Variants in RIMS1 observed in about 807,000 individuals in gnomAD.
RIMS1 encodes regulating synaptic membrane exocytosis 1.
RIMS1 carries 83 observed loss-of-function variants against 214.1 expected under a neutral mutation model. That is an observed-to-expected ratio of 0.39 (90% CI 0.32 to 0.47). The LOEUF (loss-of-function observed/expected upper bound fraction) is 0.47. Ranked by LOEUF, RIMS1 falls within the 20% of genes least tolerant of loss-of-function variation. The probability of loss-of-function intolerance (pLI) is 0.99; values close to 1 mark genes in which losing one functional copy is unlikely to be tolerated. For missense variants in RIMS1, 2,050 were observed against 2,161.8 expected (o/e 0.95, Z 1.03); for synonymous variants, 793 against 786.8 (o/e 1.01, Z -0.13).
chr6:72,360,323 A>ATCTGT lies in RIMS1; in HGVS notation c.4366+26491_4366+26492insGTTCT, dbSNP rs368786995. Among the ~76,000 whole-genome samples, 125 of 152,354 alleles carry ATCTGT rather than the reference A, an allele frequency of 8.2e-4. 2 individuals are homozygous for ATCTGT. The highest frequency in any genetic ancestry group is 2.9e-3 in the African/African-American group (120 of 41,592). The stretch of plus-strand genomic sequence containing the variant: ...ACAAGTTTCTATTTTCATAAAATTA[A>ATCTGT]TCTATTTATCACATACCTTCTGACC... On this transcript the variant is annotated intron_variant, in intron 29 of 33. Coordinates refer to ENST00000521978, the MANE Select transcript of RIMS1 (RefSeq NM_014989.7).
chr6:72,299,181 A>G (rs1273451267), intron 26 of RIMS1, among the ~76,000 whole-genome samples: 1 of 151,960 alleles, frequency 6.6e-6, no homozygotes, highest in African/African-American at 2.4e-5. Flanking sequence ...CTTCAAGGTG[A>G]GAAAAATGTT....
chr6:72,328,918 C>G (rs1403412968), intron 28 of RIMS1, among the ~76,000 whole-genome samples: 5 of 151,756 alleles, frequency 3.3e-5, no homozygotes, highest in African/African-American at 1.2e-4. Flanking sequence ...AGATTTCACC[C>G]ATAGGTAGAT....
chr6:71,952,820 A>G (rs534769207), intron 1 of RIMS1, among the ~76,000 whole-genome samples: 3 of 152,146 alleles, frequency 2.0e-5, no homozygotes, highest in South Asian at 2.1e-4. Context: ...GGGGTTACTC[A>G]TGCTTCCTCA....
At position 72,252,836 on chromosome 6, in the gene RIMS1, C is replaced by T. The variant is rs953813197; in HGVS notation, c.2770+4C>T. ...GGTATTGGCGTAGTTCCTCCAGGTG[C>T]GTGGGTGAGGAGCATGACCCTGCTT... On this transcript the variant is annotated splice_donor_region_variant and intron_variant, in intron 16 of 33. Coordinates refer to ENST00000521978, the MANE Select transcript of RIMS1 (RefSeq NM_014989.7). 3.9e-6 allele frequency: 6 copies of T among 1,551,488 alleles called. No individual in the cohort carries two copies. The highest frequency in any genetic ancestry group is 2.4e-5 in the East Asian group (1 of 41,222).
intron 2 of RIMS1, among the ~76,000 whole-genome samples, chr6:72,043,010 A>G (rs1821885205): frequency 6.6e-6 from 1 of 151,824 alleles, no homozygotes; most frequent in South Asian, 2.1e-4. Context: ...AGACACTTGA[A>G]TTGGATATGA....
rs1206926278 is a variant in RIMS1, at chr6:72,392,694, A to G, written c.4506-4A>G. 6.3e-7 allele frequency: 1 copy of G among 1,594,406 alleles called. No homozygotes were observed. Reference sequence around the variant, plus strand: ...TCCTTTGGTTTTTATCCTTTTGCTGATAGTTTAATATTTCCTGGAGTGCGA... The same window carrying G: ...TCCTTTGGTTTTTATCCTTTTGCTGGTAGTTTAATATTTCCTGGAGTGCGA... On this transcript the variant is annotated splice_polypyrimidine_tract_variant and splice_region_variant and intron_variant, in intron 30 of 33. Transcript: ENST00000521978.
intron 29 of RIMS1, chr6:72,366,863 C>G: frequency 1.0e-6 from 1 of 982,400 alleles, no homozygotes; most frequent in Non-Finnish European, 1.2e-6. Flanking sequence ...TCAAGATAGA[C>G]AAGGTAAGTC....
intron 1 of RIMS1, among the ~76,000 whole-genome samples, chr6:71,926,746 C>T (rs575023967): frequency 2.6e-5 from 4 of 152,206 alleles, no homozygotes; most frequent in East Asian, 1.9e-4. Flanking sequence ...TAACACCAGC[C>T]TAGTAACTTT....
chr6:72,250,070 T>A (rs2072457781), intron 12 of RIMS1, among the ~76,000 whole-genome samples: 1 of 152,170 alleles, frequency 6.6e-6, no homozygotes, highest in African/African-American at 2.4e-5. Context: ...TATTATTAGT[T>A]TTATTTTATA....
At chr6:71,898,134 TTTG>T (rs1772426586) in intron 1 of RIMS1, among the ~76,000 whole-genome samples, 1 of 152,172 alleles carries the variant, frequency 6.6e-6, no homozygotes, top group Admixed American at 6.6e-5. Flanking sequence ...TCTTAAAGTA[TTTG>T]AATATAGGTG....
chr6:72,127,909 A>G (rs993286780), intron 4 of RIMS1, among the ~76,000 whole-genome samples: 8 of 152,092 alleles, frequency 5.3e-5, no homozygotes, highest in Non-Finnish European at 1.2e-4. Flanking sequence ...ACATGATCTC[A>G]AGATTAAAAA....
intron 6 of RIMS1, among the ~76,000 whole-genome samples, chr6:72,218,884 A>G (rs1014826055): frequency 6.6e-6 from 1 of 152,216 alleles, no homozygotes; most frequent in African/African-American, 2.4e-5. Flanking sequence ...TATGAATTCC[A>G]TAGAAGTTTG....
chr6:72,277,134 G>T (rs565759423), intron 23 of RIMS1, among the ~76,000 whole-genome samples: 64 of 152,120 alleles, frequency 4.2e-4, no homozygotes, highest in Non-Finnish European at 8.5e-4. Flanking sequence ...AAAGCTTTTA[G>T]TTGCCCTCTT....
chr6:72,302,920 A>G (rs1230348027), intron 26 of RIMS1, among the ~76,000 whole-genome samples: 1 of 151,226 alleles, frequency 6.6e-6, no homozygotes, highest in East Asian at 1.9e-4. Flanking sequence ...CAATATATCA[A>G]TATAAATTAT....
At chr6:71,889,400 T>C (rs1768905250) in intron 1 of RIMS1, among the ~76,000 whole-genome samples, 1 of 152,256 alleles carries the variant, frequency 6.6e-6, no homozygotes, top group Non-Finnish European at 1.5e-5. Flanking sequence ...CTGCTTTTCC[T>C]GTGACTGCTT....
intron 1 of RIMS1, among the ~76,000 whole-genome samples, chr6:71,963,961 T>G (rs1241254558): frequency 6.6e-6 from 1 of 152,168 alleles, no homozygotes; most frequent in Non-Finnish European, 1.5e-5. Flanking sequence ...TCTTAGCATA[T>G]GTCAGTGATC....
At chr6:72,174,494 A>G (rs1296060115) in intron 4 of RIMS1, among the ~76,000 whole-genome samples, 5 of 152,188 alleles carry the variant, frequency 3.3e-5, no homozygotes, top group African/African-American at 4.8e-5. Flanking sequence ...ATTTTACCAA[A>G]TAATTTGATT....
At chr6:72,055,208 A>T (rs1454785846) in intron 2 of RIMS1, among the ~76,000 whole-genome samples, 1 of 152,184 alleles carries the variant, frequency 6.6e-6, no homozygotes, top group Non-Finnish European at 1.5e-5. Context: ...ACTGTCAAGA[A>T]ATTGCTTTTT....
At chr6:71,950,252 T>A (rs1402150794) in intron 1 of RIMS1, among the ~76,000 whole-genome samples, 1 of 152,134 alleles carries the variant, frequency 6.6e-6, no homozygotes, top group African/African-American at 2.4e-5. Flanking sequence ...AGAAGTCTTT[T>A]GGGTGATACA....
Sources: gnomAD v4.1 joint callset for allele counts (sites outside exome capture counted in the v4.1 genomes callset) on GRCh38, gnomAD v4.1.1 for gene constraint, MANE v1.5 for transcripts, NCBI Gene and HGNC (gene_info 2026-07-23, HGNC 2026-07-21) for gene names.